CEP85L: variants seen among roughly 807,000 people sequenced by gnomAD.
CEP85L encodes the protein centrosomal protein 85L.
A neutral mutation model predicts 100.3 loss-of-function variants in CEP85L; 60 were observed. That is an observed-to-expected ratio of 0.60 (90% confidence interval 0.49 to 0.74). CEP85L has a LOEUF of 0.74. CEP85L is among the 30% of genes least tolerant of loss of function. The pLI is 0.00. For missense variants in CEP85L, 973 were observed against 936.2 expected, an observed-to-expected ratio of 1.04 and a Z score of -0.51; for synonymous variants, 319 against 322.7, an observed-to-expected ratio of 0.99 and a Z score of 0.12.
intron 2 of CEP85L, among the ~76,000 whole-genome samples, chr6:118,606,819 G>A (rs1055980479): frequency 6.6e-6 from 1 of 152,160 alleles, no homozygotes; most frequent in Non-Finnish European, 1.5e-5. Flanking sequence ...AAATACACCA[G>A]CTTAAGACTA....
At chr6:118,692,486 C>A (rs1011542077) in intron 1 of CEP85L, among the ~76,000 whole-genome samples, 1 of 152,164 alleles carries the variant, frequency 6.6e-6, no homozygotes, top group African/African-American at 2.4e-5. Context: ...GTAGTTGGGA[C>A]TGTAAGGTCA....
chr6:118,690,528 T>C (rs1366097075), intron 1 of CEP85L, among the ~76,000 whole-genome samples: 1 of 103,390 alleles, frequency 9.7e-6, no homozygotes, highest in Non-Finnish European at 2.1e-5. Context: ...AGTTCCAGGA[T>C]TGGTTCAGGG....
intron 1 of CEP85L, among the ~76,000 whole-genome samples, chr6:118,672,863 A>C (rs1425616405): frequency 6.6e-6 from 1 of 151,938 alleles, no homozygotes; most frequent in Non-Finnish European, 1.5e-5. Context: ...GAAGAAGAAG[A>C]AAAGAGAAGA....
chr6:118,476,812 G>A (rs573802453), intron 10 of CEP85L, among the ~76,000 whole-genome samples: 2 of 152,248 alleles, frequency 1.3e-5, no homozygotes, highest in South Asian at 2.1e-4. Context: ...TCTATTGATG[G>A]CTGTCAATTC....
chr6:118,651,187 C>T lies in CEP85L; in HGVS notation c.73+10G>A. Reference sequence around the variant, plus strand: ...CCCCACCCCAGCCGGGGCGCTGTCCCGTTCCTTACCGGCAGGGAAGCTGCG... The same window carrying T: ...CCCCACCCCAGCCGGGGCGCTGTCCTGTTCCTTACCGGCAGGGAAGCTGCG... On this transcript the variant is annotated intron_variant, in intron 1 of 12. Transcript: ENST00000368491. 1 of 1,495,346 alleles carries T rather than the reference C, an allele frequency of 6.7e-7. No homozygotes were observed. Among genetic ancestry groups the T allele is most frequent in the South Asian group, 1.2e-5 (1 of 80,080 alleles). 92.6% of individuals were successfully genotyped at this position (1,495,346 alleles called of 1,614,324 possible). A position where few individuals can be genotyped will look rare whatever the true frequency, so the allele number is the denominator to read the frequency against.
chr6:118,586,086 T>C (rs1780842757), intron 2 of CEP85L, among the ~76,000 whole-genome samples: 1 of 152,118 alleles, frequency 6.6e-6, no homozygotes. Flanking sequence ...TCAAAAGCAC[T>C]AGGCATAGAA....
intron 1 of CEP85L, among the ~76,000 whole-genome samples, chr6:118,660,925 G>A (rs914463597): frequency 1.9e-4 from 29 of 150,518 alleles, no homozygotes; most frequent in African/African-American, 5.1e-4. Context: ...TCGCACTGTC[G>A]CCTGGACTGG....
At chr6:118,557,780 C>G (rs550070689) in intron 3 of CEP85L, among the ~76,000 whole-genome samples, 15 of 152,254 alleles carry the variant, frequency 9.9e-5, no homozygotes, top group Non-Finnish European at 2.9e-5. Context: ...AAATGCATGA[C>G]AATAAACGCT....
chr6:118,703,915 A>G (rs1274870995), intron 1 of CEP85L, among the ~76,000 whole-genome samples: 6 of 152,238 alleles, frequency 3.9e-5, no homozygotes, highest in African/African-American at 9.6e-5. Context: ...TAGATAATAC[A>G]TGTATATAAT....
chr6:118,579,255 T>C (rs929348818), intron 2 of CEP85L, among the ~76,000 whole-genome samples: 15 of 152,034 alleles, frequency 9.9e-5, no homozygotes, highest in African/African-American at 3.4e-4. Context: ...TCTAGCCAGA[T>C]TACTGCCAAT....
At chr6:118,709,779 C>T (rs1016629444) in intron 1 of CEP85L, among the ~76,000 whole-genome samples, 3 of 152,110 alleles carry the variant, frequency 2.0e-5, no homozygotes, top group Non-Finnish European at 2.9e-5. Flanking sequence ...CTGTTCCTTT[C>T]CCCCTGACAG....
intron 2 of CEP85L, among the ~76,000 whole-genome samples, chr6:118,621,075 C>T (rs1773410353): frequency 6.6e-6 from 1 of 152,060 alleles, no homozygotes; most frequent in African/African-American, 2.4e-5. Context: ...TAAAAGACCC[C>T]ACCACTTTTC....
Position 118,470,656 on chromosome 6 carries a change from A to T in CEP85L, c.1915-12T>A, listed in dbSNP as rs758071748. 6.7e-5 allele frequency: 101 copies of T among 1,518,360 alleles called. No homozygotes were observed. The highest frequency in any genetic ancestry group is 5.2e-4 in the South Asian group (43 of 82,146). The allele number at this position is 1,518,360 out of a possible 1,614,324, so 94.1% of individuals were successfully genotyped here. A position where few individuals can be genotyped will look rare whatever the true frequency, so the allele number is the denominator to read the frequency against. ...TTTCCTTGCATAGACTAGAATTTTT[A>T]AAAAAATTGGAAAGCAAAACAGGTT... On this transcript the variant is annotated splice_polypyrimidine_tract_variant and intron_variant, in intron 10 of 12. Coordinates refer to ENST00000368491, the MANE Select transcript of CEP85L (RefSeq NM_001042475.3).
Position 118,483,843 on chromosome 6 carries a change from G to A in CEP85L, c.1453C>T (p.Arg485Ter), listed in dbSNP as rs752640404. 8 of 1,612,346 alleles carry A rather than the reference G, an allele frequency of 5.0e-6. No individual in the cohort carries two copies. Among genetic ancestry groups the A allele is most frequent in the East Asian group, 2.2e-5 (1 of 44,820 alleles). The change falls in exon 7 of 13, where the codon CGA becomes TGA. Residue 485 changes from arginine to a stop codon, truncating the protein, a stop_gained. Coordinates refer to ENST00000368491, the MANE Select transcript of CEP85L (RefSeq NM_001042475.3). LOFTEE classifies it high-confidence loss of function. ...KLEEKLKTRD[R>*]YISSLKKKCQ... ...TTCTTTTTCAGACTACTGATGTATC[G>A]ATCTCTAGTTTTAAGCTAAAAGCAA...
At chr6:118,686,929 C>T (rs955997312) in intron 1 of CEP85L, among the ~76,000 whole-genome samples, 1 of 152,136 alleles carries the variant, frequency 6.6e-6, no homozygotes, top group South Asian at 2.1e-4. Flanking sequence ...AGCCTACATG[C>T]CTTTCCATAG....
chr6:118,482,243 C>T (rs1773845363), intron 7 of CEP85L, among the ~76,000 whole-genome samples: 1 of 152,056 alleles, frequency 6.6e-6, no homozygotes, highest in Non-Finnish European at 1.5e-5. Flanking sequence ...ACTGTCTTAA[C>T]AATTTCCAAG....
rs571134086 is a variant in CEP85L, at chr6:118,464,615, A to G, written c.*790T>C. ...ATATGTATATATATAAAACATATAAATAAAAAATTGTAAATAGTAAGGAAC... is the reference window on the plus strand; with the variant it reads ...ATATGTATATATATAAAACATATAAGTAAAAAATTGTAAATAGTAAGGAAC... On this transcript the variant is annotated 3_prime_UTR_variant, in exon 13 of 13. Transcript: ENST00000368491. The G allele has an allele frequency of 9.9e-5, 15 of 151,942 alleles. No homozygotes were observed. In the South Asian group the frequency reaches 2.9e-3, roughly 29 times the overall value. 9.4% of individuals were successfully genotyped at this position (151,942 alleles called of 1,614,324 possible). A position where few individuals can be genotyped will look rare whatever the true frequency, so the allele number is the denominator to read the frequency against.
At chr6:118,657,667 G>A (rs1041313107) in intron 1 of CEP85L, among the ~76,000 whole-genome samples, 18 of 152,134 alleles carry the variant, frequency 1.2e-4, no homozygotes, top group African/African-American at 4.3e-4. Context: ...ATACCACTTG[G>A]GCACATGGAA....
intron 1 of CEP85L, among the ~76,000 whole-genome samples, chr6:118,665,289 G>A (rs1471618937): frequency 6.6e-6 from 1 of 152,108 alleles, no homozygotes; most frequent in Non-Finnish European, 1.5e-5. Context: ...GATGATAGGT[G>A]TGTCATTTAT....
Sources: allele counts gnomAD v4.1 joint callset (sites outside exome capture counted in the v4.1 genomes callset), GRCh38; gene constraint gnomAD v4.1.1; transcripts MANE v1.5; gene names NCBI Gene and HGNC (gene_info 2026-07-23, HGNC 2026-07-21).